Variants in CADPS2 observed in about 807,000 individuals in gnomAD.
CADPS2 encodes calcium dependent secretion activator 2.
Under a neutral mutation model 172.5 loss-of-function variants are expected in CADPS2, and 93 were observed. That is an observed-to-expected ratio of 0.54 (90% CI 0.46 to 0.64). The LOEUF (loss-of-function observed/expected upper bound fraction) is 0.64, where lower values mean the gene tolerates loss of function less well. Among genes scored for constraint, CADPS2 ranks in the 30% least tolerant of loss-of-function variants. The probability of loss-of-function intolerance (pLI) is 0.00; values close to 1 mark genes in which losing one functional copy is unlikely to be tolerated. For missense variants in CADPS2, 1,420 were observed against 1,565.9 expected, an observed-to-expected ratio of 0.91 and a Z score of 1.57; for synonymous variants, 546 against 555.2, an observed-to-expected ratio of 0.98 and a Z score of 0.23.
At chr7:122,819,418 G>GC (rs1802466925) in intron 1 of CADPS2, among the ~76,000 whole-genome samples, 1 of 152,126 alleles carries the variant, frequency 6.6e-6, no homozygotes, top group South Asian at 2.1e-4. Context: ...CGCCTTGGAA[G>GC]CCCCCTAGAC....
chr7:122,790,984 T>C (rs975210444), intron 1 of CADPS2, among the ~76,000 whole-genome samples: 1 of 152,134 alleles, frequency 6.6e-6, no homozygotes, highest in Non-Finnish European at 1.5e-5. Context: ...GACAAATCAT[T>C]TTTATCTCAG....
chr7:122,398,738 T>TTCTCTCTC (rs375630670), intron 20 of CADPS2, among the ~76,000 whole-genome samples: 39 of 131,466 alleles, frequency 3.0e-4, no homozygotes, highest in East Asian at 1.4e-3. Context: ...GAAAACACTC[T>TTCTCTCTC]TCTCTCTCTC....
chr7:122,409,053 T>C (rs2047001610), intron 19 of CADPS2, among the ~76,000 whole-genome samples: 1 of 152,224 alleles, frequency 6.6e-6, no homozygotes, highest in Non-Finnish European at 1.5e-5. Flanking sequence ...GGGAATGGTA[T>C]GCATGATGAA....
At chr7:122,523,867 CT>C (rs2061002240) in intron 8 of CADPS2, among the ~76,000 whole-genome samples, 1 of 152,148 alleles carries the variant, frequency 6.6e-6, no homozygotes, top group Non-Finnish European at 1.5e-5. Flanking sequence ...AAAGAATTTA[CT>C]GAGTAGCCCC....
At chr7:122,817,225 C>A (rs1801736983) in intron 1 of CADPS2, among the ~76,000 whole-genome samples, 1 of 152,194 alleles carries the variant, frequency 6.6e-6, no homozygotes, top group Non-Finnish European at 1.5e-5. Context: ...GGAGATCAAT[C>A]CCCTGTCCTC....
At chr7:122,431,817 C>A (rs778048755) in intron 17 of CADPS2, among the ~76,000 whole-genome samples, 1 of 149,706 alleles carries the variant, frequency 6.7e-6, no homozygotes, top group South Asian at 2.1e-4. Flanking sequence ...GGTGAAACCC[C>A]GGCTCTACTA....
At chr7:122,829,088 CA>C (rs1805757112) in intron 1 of CADPS2, among the ~76,000 whole-genome samples, 1 of 152,102 alleles carries the variant, frequency 6.6e-6, no homozygotes, top group Non-Finnish European at 1.5e-5. Context: ...AATACAAAAT[CA>C]GATACCAAAA....
chr7:122,721,845 G>A (rs1025979881), intron 2 of CADPS2, among the ~76,000 whole-genome samples: 11 of 152,096 alleles, frequency 7.2e-5, no homozygotes, highest in South Asian at 2.1e-4. Context: ...TATCCACCAC[G>A]ATCAAGTGGG....
chr7:122,801,730 A>G (rs961668870), intron 1 of CADPS2, among the ~76,000 whole-genome samples: 38 of 152,158 alleles, frequency 2.5e-4, no homozygotes, highest in African/African-American at 7.0e-4. Flanking sequence ...TTATATAACT[A>G]CATGAAAATG....
chr7:122,691,068 A>G (rs1392694686), intron 2 of CADPS2, among the ~76,000 whole-genome samples: 2 of 152,208 alleles, frequency 1.3e-5, no homozygotes, highest in Non-Finnish European at 2.9e-5. Context: ...ACTTGTACTC[A>G]GCATACTCCG....
chr7:122,606,670 C>T (rs1331811755), intron 6 of CADPS2, among the ~76,000 whole-genome samples: 1 of 151,852 alleles, frequency 6.6e-6, no homozygotes, highest in African/African-American at 2.4e-5. Context: ...TTTTAATACT[C>T]TAAATAGTAC....
intron 28 of CADPS2, among the ~76,000 whole-genome samples, chr7:122,327,324 A>C (rs1414670174): frequency 6.6e-6 from 1 of 152,150 alleles, no homozygotes; most frequent in Non-Finnish European, 1.5e-5. Flanking sequence ...ATATGAGTAC[A>C]GTCAATTGAG....
chr7:122,491,997 C>T (rs898816373), intron 9 of CADPS2, among the ~76,000 whole-genome samples: 2 of 151,970 alleles, frequency 1.3e-5, no homozygotes, highest in African/African-American at 2.4e-5. Context: ...ACGGTGAAAC[C>T]CCATCTCTAT....
At chr7:122,856,891 T>A (rs979961793) in intron 1 of CADPS2, among the ~76,000 whole-genome samples, 1 of 152,218 alleles carries the variant, frequency 6.6e-6, no homozygotes, top group African/African-American at 2.4e-5. Context: ...TAGTACTATA[T>A]ATATCAGCTC....
chr7:122,352,614 G>T (rs2038835758), intron 27 of CADPS2, among the ~76,000 whole-genome samples: 1 of 152,088 alleles, frequency 6.6e-6, no homozygotes, highest in Non-Finnish European at 1.5e-5. Context: ...GTCCTGGTGT[G>T]CATCCCTCTC....
intron 1 of CADPS2, among the ~76,000 whole-genome samples, chr7:122,883,145 C>T (rs1823390019): frequency 1.3e-5 from 2 of 152,178 alleles, no homozygotes; most frequent in South Asian, 4.1e-4. Flanking sequence ...CTCATAGACA[C>T]AACCTCTTAC....
rs558301189 is a variant in CADPS2, at chr7:122,469,869, T to C, written c.2186+1506A>G. 1.2e-4 allele frequency among the ~76,000 whole-genome samples: 19 copies of C among 152,160 alleles called. No homozygotes were observed. The East Asian group carries it at 3.7e-3, about 29-fold the overall frequency. On this transcript the variant is annotated intron_variant, in intron 14 of 29. Coordinates refer to ENST00000449022, the MANE Select transcript of CADPS2 (RefSeq NM_017954.11). Reference sequence around the variant, plus strand: ...CGTACACACATCTAGCACATAAGTATATATGACAAAGGTAATGAGATAAGT... The same window carrying C: ...CGTACACACATCTAGCACATAAGTACATATGACAAAGGTAATGAGATAAGT...
chr7:122,715,862 G>A (rs1257499537), intron 2 of CADPS2, among the ~76,000 whole-genome samples: 1 of 151,976 alleles, frequency 6.6e-6, no homozygotes, highest in Non-Finnish European at 1.5e-5. Flanking sequence ...ACATGATTTT[G>A]CTCCTCTAGA....
At position 122,886,320 on chromosome 7, in the gene CADPS2, G is replaced by C; in HGVS notation, c.18C>G (p.Ser6=). 1 of 1,503,138 alleles carries C rather than the reference G, an allele frequency of 6.7e-7. No homozygotes were observed. The highest frequency in any genetic ancestry group is 8.8e-7 in the Non-Finnish European group (1 of 1,134,758). 93.1% of individuals were successfully genotyped at this position (1,503,138 alleles called of 1,614,324 possible). The change falls in exon 1 of 30, where the codon TCC becomes TCG. Residue 6 remains serine (S), a synonymous_variant. Coordinates refer to ENST00000449022, the MANE Select transcript of CADPS2 (RefSeq NM_017954.11). ...GCCCCTCGTCCGACTCCTCTTCGCT[G>C]GAAGACGGGTCCAGCATGGTGCTCG... MLDPS[S]SEEESDEGLE...
Sources: gnomAD v4.1 joint callset for allele counts (sites outside exome capture counted in the v4.1 genomes callset) on GRCh38, gnomAD v4.1.1 for gene constraint, MANE v1.5 for transcripts, NCBI Gene and HGNC (gene_info 2026-07-23, HGNC 2026-07-21) for gene names.